The following NRXN2 variants were observed in gnomAD, a reference collection of about 807,000 sequenced individuals.
NRXN2 encodes the protein neurexin 2.
NRXN2 carries 29 observed loss-of-function variants against 128.8 expected under a neutral mutation model. The ratio of observed to expected loss-of-function variants is 0.23; its 90% confidence interval spans 0.17 to 0.31. The LOEUF is 0.31. Among genes scored for constraint, NRXN2 ranks in the 10% least tolerant of loss-of-function variants. NRXN2 has a pLI of 1.00. For missense variants in NRXN2, 1,881 were observed against 2,452.6 expected, an observed-to-expected ratio of 0.77 and a Z score of 4.92; for synonymous variants, 1,098 against 1,075.2, an observed-to-expected ratio of 1.02 and a Z score of -0.41.
Position 64,688,364 on chromosome 11 carries a change from G to A in NRXN2, c.850+2041C>T, listed in dbSNP as rs567999519. 8 of 985,410 alleles carry A rather than the reference G, an allele frequency of 8.1e-6. No homozygotes were observed. In the South Asian group the frequency reaches 2.8e-4, roughly 35 times the overall value. 61.0% of individuals were successfully genotyped at this position (985,410 alleles called of 1,614,324 possible). A position where few individuals can be genotyped will look rare whatever the true frequency, so the allele number is the denominator to read the frequency against. ...AGCCAAAGAGAACCTGAAAGCCTTC[G>A]AGAAGAGGGACAGAAAAAGAGATGA... On this transcript the variant is annotated intron_variant, in intron 5 of 22. Coordinates refer to ENST00000265459, the MANE Select transcript of NRXN2 (RefSeq NM_015080.4).
chr11:64,637,092 C>G (rs917270283), intron 17 of NRXN2, among the ~76,000 whole-genome samples: 2 of 151,882 alleles, frequency 1.3e-5, no homozygotes, highest in East Asian at 1.9e-4. Context: ...CTTGCTGTTC[C>G]CCAGAGCACC....
intron 7 of NRXN2, among the ~76,000 whole-genome samples, chr11:64,672,213 G>A (rs994099427): frequency 6.6e-6 from 1 of 152,206 alleles, no homozygotes; most frequent in Non-Finnish European, 1.5e-5. Context: ...CCTGTGACTT[G>A]GGTGGGCTCT....
At chr11:64,683,751 C>T (rs2052634620) in intron 6 of NRXN2, among the ~76,000 whole-genome samples, 1 of 152,220 alleles carries the variant, frequency 6.6e-6, no homozygotes, top group Non-Finnish European at 1.5e-5. Flanking sequence ...TATGACCTGC[C>T]TCTCTGCTCT....
At chr11:64,629,237 G>A (rs1274179057) in intron 19 of NRXN2, among the ~76,000 whole-genome samples, 1 of 152,290 alleles carries the variant, frequency 6.6e-6, no homozygotes, top group Non-Finnish European at 1.5e-5. Flanking sequence ...CTGCTTCTCA[G>A]TCAGGCCCTG....
At chr11:64,633,887 GC>G (rs1039757715) in intron 18 of NRXN2, among the ~76,000 whole-genome samples, 1 of 151,908 alleles carries the variant, frequency 6.6e-6, no homozygotes. Context: ...CTACTGTTCT[GC>G]TTGCTAGTCC....
intron 22 of NRXN2, among the ~76,000 whole-genome samples, chr11:64,611,837 G>A (rs2040692002): frequency 6.6e-6 from 1 of 151,992 alleles, no homozygotes; most frequent in African/African-American, 2.4e-5. Flanking sequence ...GGGCTTCCCT[G>A]GGCCCTTCTC....
intron 6 of NRXN2, among the ~76,000 whole-genome samples, chr11:64,677,545 T>C (rs2051515121): frequency 6.6e-6 from 1 of 152,216 alleles, no homozygotes; most frequent in African/African-American, 2.4e-5. Context: ...TGCCCATCCC[T>C]TGGTCCCCTG....
chr11:64,626,943 T>TG (rs1302452906), intron 19 of NRXN2, among the ~76,000 whole-genome samples: 1 of 151,968 alleles, frequency 6.6e-6, no homozygotes, highest in Admixed American at 6.6e-5. Context: ...AGGTTTAAGT[T>TG]GGGGGCGGGA....
At chr11:64,715,840 T>C (rs994261659) in intron 1 of NRXN2, among the ~76,000 whole-genome samples, 9 of 152,148 alleles carry the variant, frequency 5.9e-5, no homozygotes, top group East Asian at 1.9e-4. Flanking sequence ...CCTCTCCTCA[T>C]TGGGTAATGG....
intron 9 of NRXN2, among the ~76,000 whole-genome samples, chr11:64,666,594 C>T (rs1263377463): frequency 2.6e-5 from 4 of 151,450 alleles, no homozygotes; most frequent in South Asian, 2.1e-4. Context: ...GACAGAGTCT[C>T]GCTCTGTCGC....
chr11:64,652,013 T>A (rs201750135), intron 13 of NRXN2, 22 bp downstream of exon 13: 114 of 1,608,568 alleles, frequency 7.1e-5, no homozygotes, highest in Non-Finnish European at 7.6e-6. Context: ...TGTGTCCACC[T>A]CCCTGGGCCC....
At chr11:64,722,177 C>T (rs1241978886) in intron 1 of NRXN2, among the ~76,000 whole-genome samples, 3 of 152,076 alleles carry the variant, frequency 2.0e-5, no homozygotes, top group Admixed American at 2.0e-4. Context: ...GCCAAGGGCC[C>T]TGCAGCTTCC....
chr11:64,680,741 G>C (rs2052119460), intron 6 of NRXN2, among the ~76,000 whole-genome samples: 1 of 152,182 alleles, frequency 6.6e-6, no homozygotes, highest in African/African-American at 2.4e-5. Flanking sequence ...CGCTGTGACA[G>C]AAAGATAAAG....
Position 64,713,629 on chromosome 11 carries a change from G to A in NRXN2, c.71C>T (p.Ala24Val), listed in dbSNP as rs1372066287. ...GCCGAACTCCAGGCCGTCCGCGCGC[G>A]CCGCCAGCGCCAGCAGCAGCAGCAA... ...LLLLLLLALA[A>V]RADGLEFGGG... Residue 24 changes from alanine to valine, a missense_variant, in exon 2 of 23, where the codon GCG becomes GTG. Physicochemically the swap from Ala to Val is moderately conservative, Grantham distance 64 (BLOSUM62 0). Coordinates refer to ENST00000265459, the MANE Select transcript of NRXN2 (RefSeq NM_015080.4). 8 of 1,250,794 alleles carry A rather than the reference G, an allele frequency of 6.4e-6. No individual in the cohort carries two copies. The highest frequency in any genetic ancestry group is 3.5e-5 in the East Asian group (1 of 28,362). The allele number at this position is 1,250,794 out of a possible 1,614,324, so 77.5% of individuals were successfully genotyped here.
At chr11:64,643,796 C>G (rs1044208791) in intron 17 of NRXN2, among the ~76,000 whole-genome samples, 18 of 152,080 alleles carry the variant, frequency 1.2e-4, no homozygotes, top group East Asian at 3.9e-4. Flanking sequence ...TCCTGCACCC[C>G]CCTCCTGGAG....
chr11:64,680,750 A>AT (rs1300598986), intron 6 of NRXN2, among the ~76,000 whole-genome samples: 1 of 152,166 alleles, frequency 6.6e-6, no homozygotes, highest in Non-Finnish European at 1.5e-5. Flanking sequence ...AGAAAGATAA[A>AT]GTCCTGAGGA....
At chr11:64,703,316 T>A (rs558794067) in intron 2 of NRXN2, among the ~76,000 whole-genome samples, 1 of 152,236 alleles carries the variant, frequency 6.6e-6, no homozygotes, top group African/African-American at 2.4e-5. Context: ...GCACTTAGGG[T>A]GTGCCTGGCT....
intron 1 of NRXN2, among the ~76,000 whole-genome samples, chr11:64,715,188 G>A (rs2057260864): frequency 6.6e-6 from 1 of 152,178 alleles, no homozygotes; most frequent in Non-Finnish European, 1.5e-5. Flanking sequence ...ATTTGTCAGA[G>A]CCCTGGGTGC....
At position 64,622,038 on chromosome 11, in the gene NRXN2, C is replaced by A. The variant is rs976384756; in HGVS notation, c.4173+715G>T. 6.6e-6 allele frequency among the ~76,000 whole-genome samples: 1 copy of A among 152,086 alleles called. No individual in the cohort carries two copies. The highest frequency in any genetic ancestry group is 1.5e-5 in the Non-Finnish European group (1 of 67,994). ...TGCAGGAAGCCTGGGACTAGGCTAG[C>A]TGGGGCCATCCAGATCAGCAGGTGG... is the stretch of plus-strand genomic sequence containing the variant. On this transcript the variant is annotated intron_variant, in intron 21 of 22. Transcript: ENST00000265459. The surrounding 1 kb of genome is among the most constrained non-coding windows in gnomAD (Gnocchi z 4.3).
Sources: allele counts gnomAD v4.1 joint callset (sites outside exome capture counted in the v4.1 genomes callset), GRCh38; gene constraint gnomAD v4.1.1; non-coding constraint Gnocchi (gnomAD v3.1); transcripts MANE v1.5; gene names NCBI Gene and HGNC (gene_info 2026-07-23, HGNC 2026-07-21).